The following GPR39 variants were observed in gnomAD, a reference collection of about 807,000 sequenced individuals.
The protein encoded by GPR39 is G protein-coupled receptor 39.
A neutral mutation model predicts 18.4 loss-of-function variants in GPR39; 23 were observed. The ratio of observed to expected loss-of-function variants is 1.25; its 90% CI spans 0.90 to 1.77. The LOEUF is 1.77. GPR39 is among the 40% of genes most tolerant of loss of function. The pLI, the probability that GPR39 is intolerant of heterozygous loss-of-function variation, is 0.00. For missense variants in GPR39, 647 were observed against 602.4 expected, an observed-to-expected ratio of 1.07 and a Z score of -0.78; for synonymous variants, 280 against 257.9, an observed-to-expected ratio of 1.09 and a Z score of -0.82.
chr2:132,533,209 A>G (rs1679675068), intron 1 of GPR39, among the ~76,000 whole-genome samples: 1 of 146,292 alleles, frequency 6.8e-6, no homozygotes, highest in Admixed American at 6.6e-5. Context: ...CAACAGACAA[A>G]CAGAGAGCCA....
intron 1 of GPR39, among the ~76,000 whole-genome samples, chr2:132,445,653 C>T (rs184795389): frequency 7.1e-6 from 1 of 139,914 alleles, no homozygotes; most frequent in East Asian, 1.9e-4. Context: ...GTTGTGTCTT[C>T]GCTTCTATGA....
At chr2:132,554,982 T>G (rs1233838731) in intron 1 of GPR39, among the ~76,000 whole-genome samples, 1 of 151,798 alleles carries the variant, frequency 6.6e-6, no homozygotes, top group Non-Finnish European at 1.5e-5. Flanking sequence ...GATGGAGTCT[T>G]GCTCTGTCAC....
chr2:132,427,102 C>CAT (rs1156290252), intron 1 of GPR39, among the ~76,000 whole-genome samples: 5 of 104,022 alleles, frequency 4.8e-5, no homozygotes, highest in East Asian at 5.2e-4. Context: ...TATATAGGTA[C>CAT]ATATATATAT....
At chr2:132,552,704 C>A (rs1164869997) in intron 1 of GPR39, among the ~76,000 whole-genome samples, 1 of 151,488 alleles carries the variant, frequency 6.6e-6, no homozygotes, top group Admixed American at 6.6e-5. Context: ...TATTGGCAAG[C>A]CTTTAAGTCT....
intron 1 of GPR39, among the ~76,000 whole-genome samples, chr2:132,582,200 C>T (rs1055228110): frequency 6.6e-6 from 1 of 152,146 alleles, no homozygotes; most frequent in Non-Finnish European, 1.5e-5. Context: ...GGGTTTGGCG[C>T]TGTGCGATCA....
chr2:132,470,514 G>A (rs995420677), intron 1 of GPR39, among the ~76,000 whole-genome samples: 6 of 152,130 alleles, frequency 3.9e-5, no homozygotes, highest in Non-Finnish European at 8.8e-5. Context: ...CCGAGAGGTG[G>A]GGTTGGAGAT....
chr2:132,479,221 A>G (rs575937731), intron 1 of GPR39, among the ~76,000 whole-genome samples: 2 of 152,318 alleles, frequency 1.3e-5, no homozygotes, highest in East Asian at 3.9e-4. Flanking sequence ...GACTTAGTCT[A>G]TGGCCTTAAG....
chr2:132,618,341 C>T (rs1681376227), intron 1 of GPR39, among the ~76,000 whole-genome samples: 1 of 152,222 alleles, frequency 6.6e-6, no homozygotes, highest in Non-Finnish European at 1.5e-5. Context: ...TTCCCTCTTT[C>T]ACTCAGACTA....
intron 1 of GPR39, among the ~76,000 whole-genome samples, chr2:132,456,052 T>A (rs1680722025): frequency 6.6e-6 from 1 of 152,204 alleles, no homozygotes; most frequent in South Asian, 2.1e-4. Flanking sequence ...TTCTGTCTCA[T>A]TGATCTGTCT....
chr2:132,513,489 C>G (rs1176208260), intron 1 of GPR39, among the ~76,000 whole-genome samples: 1 of 151,898 alleles, frequency 6.6e-6, no homozygotes, highest in Admixed American at 6.6e-5. Flanking sequence ...TGTATTCCAC[C>G]GCTAGATATC....
At position 132,427,112 on chromosome 2, in the gene GPR39, TAATATAC is replaced by T. The variant is rs1558795563; in HGVS notation, c.856+9216_856+9222del. On this transcript the variant is annotated intron_variant, in intron 1 of 1. Transcript: ENST00000329321. ...ATACATATATAGGTACATATATATATAATATACATATATAGGTACATATATATATATA... is the reference window on the plus strand; with the variant it reads ...ATACATATATAGGTACATATATATATATATATAGGTACATATATATATATA... Among the ~76,000 whole-genome samples, 49 of 134,700 alleles carry T rather than the reference TAATATAC, an allele frequency of 3.6e-4. 1 individual carries two copies. Among genetic ancestry groups the T allele is most frequent in the South Asian group, 3.1e-3 (13 of 4,148 alleles). The allele number at this position is 134,700 out of a possible 152,430, so 88.4% of individuals were successfully genotyped here. A position where few individuals can be genotyped will look rare whatever the true frequency, so the allele number is the denominator to read the frequency against.
At chr2:132,432,327 A>G (rs184386191) in intron 1 of GPR39, among the ~76,000 whole-genome samples, 4 of 152,258 alleles carry the variant, frequency 2.6e-5, no homozygotes, top group Non-Finnish European at 5.9e-5. Context: ...ATTTATAAGG[A>G]CACAAACCCC....
chr2:132,558,888 A>G (rs867877235), intron 1 of GPR39, among the ~76,000 whole-genome samples: 2 of 152,188 alleles, frequency 1.3e-5, no homozygotes, highest in East Asian at 1.9e-4. Flanking sequence ...GGCTCAATGT[A>G]TCTGTGCTAG....
rs150401691 is a variant in GPR39, at chr2:132,622,980, C to T, written c.857-22121C>T. ...TACACAAAGTAGCCGGGTGTGGTGG[C>T]GGGTGCCTGTAATCCCAGCTACTCA... is the stretch of plus-strand genomic sequence containing the variant. On this transcript the variant is annotated intron_variant, in intron 1 of 1. Transcript: ENST00000329321. Among the ~76,000 whole-genome samples, 475 of 152,114 alleles carry T rather than the reference C, an allele frequency of 3.1e-3. 4 individuals are homozygous for T. Among genetic ancestry groups the T allele is most frequent in the East Asian group, 0.016 (81 of 5,154 alleles).
intron 1 of GPR39, among the ~76,000 whole-genome samples, chr2:132,634,555 A>T (rs111525773): frequency 3.3e-5 from 5 of 152,162 alleles, no homozygotes; most frequent in African/African-American, 1.2e-4. Flanking sequence ...ATGGAAATTG[A>T]GGGTTATAAT....
intron 1 of GPR39, among the ~76,000 whole-genome samples, chr2:132,547,943 C>G (rs1679977999): frequency 6.6e-6 from 1 of 152,146 alleles, no homozygotes; most frequent in African/African-American, 2.4e-5. Context: ...TGATAGATGG[C>G]TTTGCCTGCT....
chr2:132,567,696 C>A (rs1288178955), intron 1 of GPR39, among the ~76,000 whole-genome samples: 1 of 152,208 alleles, frequency 6.6e-6, no homozygotes, highest in Non-Finnish European at 1.5e-5. Context: ...TCTGACCCTG[C>A]AGCAGATGGT....
chr2:132,547,920 T>C (rs1679977449), intron 1 of GPR39, among the ~76,000 whole-genome samples: 1 of 152,214 alleles, frequency 6.6e-6, no homozygotes, highest in South Asian at 2.1e-4. Flanking sequence ...AATTTGCTTG[T>C]AAATGACTTT....
At chr2:132,590,124 A>G (rs1211983985) in intron 1 of GPR39, among the ~76,000 whole-genome samples, 1 of 152,216 alleles carries the variant, frequency 6.6e-6, no homozygotes, top group African/African-American at 2.4e-5. Flanking sequence ...CCAAAACCAA[A>G]TAACTTGATG....
Sources: gnomAD v4.1 joint callset for allele counts (sites outside exome capture counted in the v4.1 genomes callset) on GRCh38, gnomAD v4.1.1 for gene constraint, MANE v1.5 for transcripts, NCBI Gene and HGNC (gene_info 2026-07-23, HGNC 2026-07-21) for gene names.